Variants in CXCL8 observed in about 807,000 individuals in gnomAD.
The protein encoded by CXCL8 is C-X-C motif chemokine ligand 8.
CXCL8 carries 12 observed loss-of-function variants against 10.9 expected under a neutral mutation model. That is an observed-to-expected ratio of 1.10 (90% CI 0.71 to 1.79). The LOEUF is 1.79. Among genes scored for constraint, CXCL8 ranks in the 40% most tolerant of loss-of-function variants. The probability of loss-of-function intolerance (pLI) is 0.00; values close to 1 mark genes in which losing one functional copy is unlikely to be tolerated. For missense variants in CXCL8, 145 were observed against 113.4 expected (o/e 1.28, Z -1.26); for synonymous variants, 41 against 39.6 (o/e 1.03, Z -0.13).
At position 73,742,775 on chromosome 4, in the gene CXCL8, G is replaced by A. The variant is rs1363498492; in HGVS notation, c.*311G>A. 1 of 263,886 alleles carries A rather than the reference G, an allele frequency of 3.8e-6. No homozygotes were observed. Among genetic ancestry groups the A allele is most frequent in the East Asian group, 5.5e-5 (1 of 18,082 alleles). The allele number at this position is 263,886 out of a possible 1,614,324, so 16.3% of individuals were successfully genotyped here. On this transcript the variant is annotated 3_prime_UTR_variant, in exon 4 of 4. Transcript: ENST00000307407. ...ATACAAATAGCAAAATTGAGGCCAA[G>A]GGCCAAGAGAATATCCGAACTTTAA...
rs1729220237 is a variant in CXCL8, at chr4:73,742,942, T to A, written c.*478T>A. ...GTTAAATCTGGCAACCCTAGTCTGC[T>A]AGCCAGGATCCACAAGTCCTTGTTC... On this transcript the variant is annotated 3_prime_UTR_variant, in exon 4 of 4. Coordinates refer to ENST00000307407, the MANE Select transcript of CXCL8 (RefSeq NM_000584.4). 4.3e-6 allele frequency: 1 copy of A among 231,286 alleles called. No individual in the cohort carries two copies. The highest frequency in any genetic ancestry group is 2.2e-5 in the African/African-American group (1 of 45,230). 14.3% of individuals were successfully genotyped at this position (231,286 alleles called of 1,614,324 possible).
intron 1 of CXCL8, 131 bp from the exon 2 acceptor site, chr4:73,741,411 A>C: frequency 3.7e-6 from 3 of 808,866 alleles, no homozygotes; most frequent in Middle Eastern, 2.8e-4. Flanking sequence ...GAGAATATTC[A>C]GGAATGAGTT....
rs1729208754 is a variant in CXCL8, at chr4:73,742,509, G to T, written c.*45G>T. 14 of 1,327,440 alleles carry T rather than the reference G, an allele frequency of 1.1e-5. No homozygotes were observed. Among genetic ancestry groups the T allele is most frequent in the African/African-American group, 1.5e-5 (1 of 67,518 alleles). The allele number at this position is 1,327,440 out of a possible 1,614,324, so 82.2% of individuals were successfully genotyped here. ...TATCCAAGAATCAGTGAAGATGCCA[G>T]TGAAACTTCAAGCAAATCTACTTCA... On this transcript the variant is annotated 3_prime_UTR_variant, in exon 4 of 4. Transcript: ENST00000307407.
rs186487125 is a variant in CXCL8 at position 73,742,613 on chromosome 4, A to T, written c.*149A>T. On this transcript the variant is annotated 3_prime_UTR_variant, in exon 4 of 4. Coordinates refer to ENST00000307407, the MANE Select transcript of CXCL8 (RefSeq NM_000584.4). ...TTCCTGGTTAAATTTGAATTTCAGT[A>T]AACAATGAATAGTTTTTCATTGTAC... 1 of 465,352 alleles carries T rather than the reference A, an allele frequency of 2.1e-6. No individual in the cohort carries two copies. Among genetic ancestry groups the T allele is most frequent in the African/African-American group, 2.0e-5 (1 of 49,366 alleles). The allele number at this position is 465,352 out of a possible 1,614,324, so 28.8% of individuals were successfully genotyped here.
intron 1 of CXCL8, among the ~76,000 whole-genome samples, 196 bp downstream of exon 1, chr4:73,740,918 C>T (rs1435685426): frequency 1.3e-5 from 2 of 152,118 alleles, no homozygotes; most frequent in Non-Finnish European, 2.9e-5. Flanking sequence ...AAAGTTTGAT[C>T]AATATAGATA....
In CXCL8 at chr4:73,742,455, G is replaced by T. The variant is rs1387053277; in HGVS notation, c.291G>T (p.Glu97Asp). 3 of 1,441,964 alleles carry T rather than the reference G, an allele frequency of 2.1e-6. No homozygotes were observed. The highest frequency in any genetic ancestry group is 1.4e-5 in the African/African-American group (1 of 69,982). 89.3% of individuals were successfully genotyped at this position (1,441,964 alleles called of 1,614,324 possible). A position where few individuals can be genotyped will look rare whatever the true frequency, so the allele number is the denominator to read the frequency against. Residue 97 changes from glutamate (E) to aspartate (D), a missense_variant, in exon 4 of 4, where the codon GAG (glutamate) becomes GAT (aspartate). Glu to Asp is a conservative substitution (Grantham distance 45). Coordinates refer to ENST00000307407, the MANE Select transcript of CXCL8 (RefSeq NM_000584.4). ...RVVEKFLKRAENS is the reference protein window; with the variant it reads ...RVVEKFLKRADNS ...ATTTTTAATTTTATTTTAGGGCTGA[G>T]AATTCATAAAAAAATTCATTCTCTG...
In CXCL8 at chr4:73,740,688, G is replaced by A. The variant is rs763440988; in HGVS notation, c.30G>A (p.Leu10=). 2.5e-5 allele frequency: 41 copies of A among 1,613,508 alleles called. No individual in the cohort carries two copies. The highest frequency in any genetic ancestry group is 1.8e-4 in the East Asian group (8 of 44,848). ...CTTCCAAGCTGGCCGTGGCTCTCTT[G>A]GCAGCCTTCCTGATTTCTGCAGCTC... is the stretch of plus-strand genomic sequence containing the variant. MTSKLAVAL[L]AAFLISAALC... The change falls in exon 1 of 4, where the codon TTG becomes TTA. Residue 10 remains leucine, a synonymous_variant. Transcript: ENST00000307407.
In CXCL8 at chr4:73,742,435, T is replaced by C; in HGVS notation, c.285-14T>C. 7.6e-7 allele frequency: 1 copy of C among 1,311,244 alleles called. No homozygotes were observed. The highest frequency in any genetic ancestry group is 1.1e-6 in the Non-Finnish European group (1 of 925,096). 81.2% of individuals were successfully genotyped at this position (1,311,244 alleles called of 1,614,324 possible). A position where few individuals can be genotyped will look rare whatever the true frequency, so the allele number is the denominator to read the frequency against. ...TAAACATAGCTCATCTTTATATTTT[T>C]AATTTTATTTTAGGGCTGAGAATTC... On this transcript the variant is annotated splice_polypyrimidine_tract_variant and intron_variant, in intron 3 of 3. Coordinates refer to ENST00000307407, the MANE Select transcript of CXCL8 (RefSeq NM_000584.4).
rs145018121 is a variant in CXCL8 at position 73,741,636 on chromosome 4, A to G, written c.159A>G (p.Arg53=). The G allele has an allele frequency of 1.3e-5, 21 of 1,613,424 alleles. No homozygotes were observed. Among genetic ancestry groups the G allele is most frequent in the Non-Finnish European group, 1.7e-5 (20 of 1,179,540 alleles). ...PFHPKFIKEL[R]VIESGPHCAN... ...ACCCCAAATTTATCAAAGAACTGAGAGTGATTGAGAGTGGACCACACTGCG... is the reference window on the plus strand; with the variant it reads ...ACCCCAAATTTATCAAAGAACTGAGGGTGATTGAGAGTGGACCACACTGCG... The change falls in exon 2 of 4, where the codon AGA becomes AGG. Residue 53 remains arginine (R), a synonymous_variant. Coordinates refer to ENST00000307407, the MANE Select transcript of CXCL8 (RefSeq NM_000584.4).
chr4:73,742,320 C>T (rs910033622), intron 3 of CXCL8, 129 bp from the exon 4 acceptor site: 1 of 589,342 alleles, frequency 1.7e-6, no homozygotes, highest in Non-Finnish European at 3.0e-6. Context: ...TCTTTGATCT[C>T]CCTATTTATA....
In CXCL8 at chr4:73,743,218, T is replaced by C. The variant is rs1729229346; in HGVS notation, c.*754T>C. 1 of 221,358 alleles carries C rather than the reference T, an allele frequency of 4.5e-6. No individual in the cohort carries two copies. 13.7% of individuals were successfully genotyped at this position (221,358 alleles called of 1,614,324 possible). On this transcript the variant is annotated 3_prime_UTR_variant, in exon 4 of 4. Coordinates refer to ENST00000307407, the MANE Select transcript of CXCL8 (RefSeq NM_000584.4). ...ATAGTTATAAAGATGTTATAGTAAA[T>C]TTATTTTATTTTAGATATTAAATGA...
chr4:73,741,692 A>G lies in CXCL8; in HGVS notation c.200+15A>G, dbSNP rs746040310. The G allele has an allele frequency of 1.2e-6, 2 of 1,603,516 alleles. No homozygotes were observed. Among genetic ancestry groups the G allele is most frequent in the Admixed American group, 3.5e-5 (2 of 57,874 alleles). ...ACAGAAATTATGTAAGTACTTTAAA[A>G]AAGATTAGATATTTTGTTTTAGCAA... On this transcript the variant is annotated intron_variant, in intron 2 of 3. Transcript: ENST00000307407.
rs56002960 is a variant in CXCL8 at position 73,740,638 on chromosome 4, A to T, written c.-21A>T. 46 of 1,610,928 alleles carry T rather than the reference A, an allele frequency of 2.9e-5. No individual in the cohort carries two copies. Among genetic ancestry groups the T allele is most frequent in the Non-Finnish European group, 3.2e-5 (38 of 1,177,676 alleles). On this transcript the variant is annotated 5_prime_UTR_variant, in exon 1 of 4. Transcript: ENST00000307407. Reference sequence around the variant, plus strand: ...AGCCAGGAAGAAACCACCGGAAGGAACCATCTCACTGTGTGTAAACATGAC... The same window carrying T: ...AGCCAGGAAGAAACCACCGGAAGGATCCATCTCACTGTGTGTAAACATGAC...
rs755256048 is a variant in CXCL8 at position 73,742,446 on chromosome 4, T to A, written c.285-3T>A. 7.1e-6 allele frequency: 10 copies of A among 1,409,732 alleles called. No homozygotes were observed. The South Asian group carries it at 1.1e-4, about 16-fold the overall frequency. The allele number at this position is 1,409,732 out of a possible 1,614,324, so 87.3% of individuals were successfully genotyped here. ...CATCTTTATATTTTTAATTTTATTT[T>A]AGGGCTGAGAATTCATAAAAAAATT... On this transcript the variant is annotated splice_region_variant and splice_polypyrimidine_tract_variant and intron_variant, in intron 3 of 3. Transcript: ENST00000307407.
At chr4:73,742,071 C>A in intron 3 of CXCL8, 39 bp downstream of exon 3, 2 of 1,214,534 alleles carry the variant, frequency 1.6e-6, no homozygotes, top group Non-Finnish European at 2.3e-6. Context: ...TTTCATTTAT[C>A]CTGAGACATA....
intron 1 of CXCL8, among the ~76,000 whole-genome samples, chr4:73,741,270 A>G (rs1385251954): frequency 6.6e-6 from 1 of 152,198 alleles, no homozygotes; most frequent in Non-Finnish European, 1.5e-5. Flanking sequence ...TGCAATATTG[A>G]CCAGATAAAA....
In CXCL8 at chr4:73,740,683, C is replaced by T. The variant is rs564043731; in HGVS notation, c.25C>T (p.Leu9Phe). The T allele has an allele frequency of 4.3e-6, 7 of 1,613,750 alleles. No homozygotes were observed. The Admixed American group carries it at 1.0e-4, about 23-fold the overall frequency. ...CATGACTTCCAAGCTGGCCGTGGCT[C>T]TCTTGGCAGCCTTCCTGATTTCTGC... MTSKLAVA[L>F]LAAFLISAAL... Residue 9 changes from leucine to phenylalanine, a missense_variant, in exon 1 of 4, where the codon CTC (leucine) becomes TTC (phenylalanine). Transcript: ENST00000307407.
At chr4:73,740,874 T>A in intron 1 of CXCL8, 152 bp downstream of exon 1, 2 of 628,558 alleles carry the variant, frequency 3.2e-6, no homozygotes. Context: ...ATTGAAGATT[T>A]AGAAAAAACT....
rs1471316356 is a variant in CXCL8 at position 73,740,714 on chromosome 4, T to C, written c.56T>C (p.Leu19Pro). The change falls in exon 1 of 4, where the codon CTG (leucine) becomes CCG (proline). Residue 19 changes from leucine (L) to proline (P), a missense_variant. By Grantham distance (98) the Leu-to-Pro change is moderately conservative. Coordinates refer to ENST00000307407, the MANE Select transcript of CXCL8 (RefSeq NM_000584.4). ...GCAGCCTTCCTGATTTCTGCAGCTCTGTGTGAAGGTAAGCACATCTTTCTG... is the reference window on the plus strand; with the variant it reads ...GCAGCCTTCCTGATTTCTGCAGCTCCGTGTGAAGGTAAGCACATCTTTCTG... ...LLAAFLISAA[L>P]CEGAVLPRSA... 6.2e-7 allele frequency: 1 copy of C among 1,613,138 alleles called. No homozygotes were observed. The highest frequency in any genetic ancestry group is 8.5e-7 in the Non-Finnish European group (1 of 1,179,386).
Sources: allele counts gnomAD v4.1 joint callset (sites outside exome capture counted in the v4.1 genomes callset), GRCh38; gene constraint gnomAD v4.1.1; transcripts MANE v1.5; gene names NCBI Gene and HGNC (gene_info 2026-07-23, HGNC 2026-07-21).